The following RGR variants were observed in gnomAD, a reference collection of about 807,000 sequenced individuals.
RGR encodes the protein RPE-retinal G protein-coupled receptor.
Under a neutral mutation model 28.6 loss-of-function variants are expected in RGR, and 30 were observed. The observed-to-expected ratio is 1.05, with a 90% CI of 0.78 to 1.42. The LOEUF is 1.42. Among genes scored for constraint, RGR ranks in the 40% most tolerant of loss-of-function variants. The probability of loss-of-function intolerance (pLI) is 0.00; values close to 1 mark genes in which losing one functional copy is unlikely to be tolerated. For synonymous variants in RGR, 180 were observed against 156.4 expected (o/e 1.15, Z -1.13); for missense variants, 404 against 375.6 (o/e 1.08, Z -0.62).
At chr10:84,258,091 C>A in intron 6 of RGR, 85 bp downstream of exon 6, 9 of 1,188,614 alleles carry the variant, frequency 7.6e-6, no homozygotes, top group Non-Finnish European at 1.1e-5. Flanking sequence ...GGATTTATGA[C>A]CTCTGTGTCA....
chr10:84,258,102 G>C, intron 6 of RGR, 96 bp downstream of exon 6: 1 of 1,101,918 alleles, frequency 9.1e-7, no homozygotes, highest in Non-Finnish European at 1.4e-6. Flanking sequence ...CTCTGTGTCA[G>C]TCTCTTCCTT....
chr10:84,248,894 G>A (rs1842780067), intron 2 of RGR, 28 bp from the exon 3 acceptor site: 1 of 1,614,224 alleles, frequency 6.2e-7, no homozygotes. Context: ...TCGGAGGAGA[G>A]GTCACTGGTG....
rs779017984 is a variant in RGR at position 84,247,598 on chromosome 10, C to A, written c.87C>A (p.Ser29=). The change falls in exon 2 of 7, where the codon TCC becomes TCA. Residue 29 remains serine (S), a synonymous_variant. Coordinates refer to ENST00000652092, the MANE Select transcript of RGR (RefSeq NM_001012720.2). ...VGMVLLVEAL[S]GLSLNTLTIF... is the part of the protein sequence containing the mutation. ...CCCCACCCTTCCTTTCAGCTCTCTC[C>A]GGTCTCAGCCTCAATACCCTGACCA... 11 of 1,614,164 alleles carry A rather than the reference C, an allele frequency of 6.8e-6. No individual in the cohort carries two copies. Among genetic ancestry groups the A allele is most frequent in the Non-Finnish European group, 9.3e-6 (11 of 1,180,028 alleles).
intron 1 of RGR, among the ~76,000 whole-genome samples, chr10:84,246,233 T>C (rs1842744605): frequency 6.6e-6 from 1 of 152,236 alleles, no homozygotes; most frequent in Non-Finnish European, 1.5e-5. Flanking sequence ...TTAAAATATG[T>C]TTTAAATTTC....
Position 84,258,661 on chromosome 10 carries a change from C to G in RGR, c.*22C>G, listed in dbSNP as rs759697741. On this transcript the variant is annotated 3_prime_UTR_variant, in exon 7 of 7. Transcript: ENST00000652092. The stretch of plus-strand genomic sequence containing the variant: ...GTGAGCCTGCCACCCTGGAGTGAGC[C>G]CCAGGCCAGGAGGCTGTTCCAGGAG... 42 of 1,613,702 alleles carry G rather than the reference C, an allele frequency of 2.6e-5. No individual in the cohort carries two copies. Among genetic ancestry groups the G allele is most frequent in the Non-Finnish European group, 3.2e-5 (38 of 1,179,908 alleles).
chr10:84,250,085 A>C (rs1487684576), intron 3 of RGR, among the ~76,000 whole-genome samples: 4 of 152,148 alleles, frequency 2.6e-5, no homozygotes, highest in African/African-American at 9.6e-5. Flanking sequence ...GGCTCAGCTA[A>C]CCCTCCTAGC....
rs1842837471 is a variant in RGR, at chr10:84,252,940, C to T, written c.442C>T (p.Leu148=). Residue 148 remains leucine, a synonymous_variant, in exon 4 of 7, where the codon CTG becomes TTG. Coordinates refer to ENST00000652092, the MANE Select transcript of RGR (RefSeq NM_001012720.2). ...TGCCTTCTGGGCAGCTCTGCCCCTT[C>T]TGGGTTGGGGTCACTACGACTATGA... ...SSAFWAALPL[L]GWGHYDYEPL... 1 of 1,614,018 alleles carries T rather than the reference C, an allele frequency of 6.2e-7. No individual in the cohort carries two copies. Among genetic ancestry groups the T allele is most frequent in the Non-Finnish European group, 8.5e-7 (1 of 1,180,044 alleles).
At chr10:84,252,755 T>C in intron 3 of RGR, 102 bp from the exon 4 acceptor site, 1 of 1,435,748 alleles carries the variant, frequency 7.0e-7, no homozygotes, top group Non-Finnish European at 9.8e-7. Flanking sequence ...GGCTGGTGGA[T>C]CACTTGAAGG....
intron 5 of RGR, among the ~76,000 whole-genome samples, chr10:84,257,023 A>C (rs979848736): frequency 6.6e-5 from 10 of 152,176 alleles, no homozygotes; most frequent in African/African-American, 2.4e-4. Context: ...AAGAGGAAAA[A>C]AAAAGTCTCT....
At position 84,258,811 on chromosome 10, in the gene RGR, G is replaced by A; in HGVS notation, c.*172G>A. On this transcript the variant is annotated 3_prime_UTR_variant, in exon 7 of 7. Transcript: ENST00000652092. ...ACACCAGGCTGCACAGAAAGAGCCA[G>A]ATGGACCTGAGTGTCGGTCACAGCC... The A allele has an allele frequency of 1.1e-6, 1 of 933,680 alleles. No individual in the cohort carries two copies. The highest frequency in any genetic ancestry group is 1.6e-6 in the Non-Finnish European group (1 of 608,152). The allele number at this position is 933,680 out of a possible 1,614,324, so 57.8% of individuals were successfully genotyped here. A position where few individuals can be genotyped will look rare whatever the true frequency, so the allele number is the denominator to read the frequency against.
intron 1 of RGR, among the ~76,000 whole-genome samples, chr10:84,245,731 C>G (rs955738833): frequency 2.0e-5 from 3 of 152,218 alleles, no homozygotes; most frequent in African/African-American, 7.2e-5. Flanking sequence ...CTCCCATCCT[C>G]TCCAGCCCCA....
At chr10:84,255,613 G>A in intron 5 of RGR, among the ~76,000 whole-genome samples, 1 of 151,998 alleles carries the variant, frequency 6.6e-6, no homozygotes, top group Middle Eastern at 3.2e-3. Context: ...TGGTCACCTG[G>A]ATGACCTCTA....
intron 3 of RGR, among the ~76,000 whole-genome samples, chr10:84,251,428 G>T (rs1842816986): frequency 6.6e-6 from 1 of 152,180 alleles, no homozygotes; most frequent in South Asian, 2.1e-4. Flanking sequence ...AGGCTGGGAA[G>T]TCCAAATGCG....
intron 3 of RGR, among the ~76,000 whole-genome samples, chr10:84,252,360 G>C (rs1842829056): frequency 6.6e-6 from 1 of 152,134 alleles, no homozygotes; most frequent in Non-Finnish European, 1.5e-5. Flanking sequence ...CTGAACCCCT[G>C]CCTATGCTTC....
intron 2 of RGR, 95 bp from the exon 3 acceptor site, chr10:84,248,827 A>C: frequency 1.2e-6 from 2 of 1,609,168 alleles, no homozygotes; most frequent in Non-Finnish European, 1.7e-6. Flanking sequence ...GAAGAAGGGC[A>C]GCATTCAGGA....
Position 84,258,018 on chromosome 10 carries a change from TCTAGTACCTAAAA to T in RGR, c.744+17_744+29del. The T allele has an allele frequency of 6.3e-7, 1 of 1,598,534 alleles. No homozygotes were observed. The highest frequency in any genetic ancestry group is 1.1e-5 in the South Asian group (1 of 90,760). On this transcript the variant is annotated intron_variant, in intron 6 of 6. Coordinates refer to ENST00000652092, the MANE Select transcript of RGR (RefSeq NM_001012720.2). ...CCAAACTGCAGATGGTACAGATACT[TCTAGTACCTAAAA>T]CTAGACCCCTCTCCATCTTTGTTCT... is the stretch of plus-strand genomic sequence containing the variant.
chr10:84,255,967 G>T (rs572312817), intron 5 of RGR, among the ~76,000 whole-genome samples: 2 of 145,092 alleles, frequency 1.4e-5, no homozygotes, highest in South Asian at 4.4e-4. Flanking sequence ...CAGGTGATCC[G>T]CCCGCCTCCG....
intron 5 of RGR, chr10:84,255,376 C>T (rs1210785097): frequency 1.3e-5 from 2 of 152,254 alleles, no homozygotes; most frequent in Non-Finnish European, 2.9e-5. Context: ...TTCCACTTAA[C>T]TCTTGCCAAG....
chr10:84,248,941 G>T lies in RGR; in HGVS notation c.256G>T (p.Asp86Tyr). ...SLLRRWPYGS[D>Y]GCQAHGFQGF... ...CCACAGGCGCTGGCCCTACGGCTCG[G>T]ACGGCTGCCAGGCTCACGGCTTCCA... Residue 86 changes from aspartate to tyrosine, a missense_variant, in exon 3 of 7, where the codon GAC (aspartate) becomes TAC (tyrosine). Asp to Tyr is a radical substitution (Grantham distance 160, BLOSUM62 -3). Transcript: ENST00000652092. 1 of 1,614,144 alleles carries T rather than the reference G, an allele frequency of 6.2e-7. No homozygotes were observed. The highest frequency in any genetic ancestry group is 8.5e-7 in the Non-Finnish European group (1 of 1,180,038).
Sources: allele counts gnomAD v4.1 joint callset (sites outside exome capture counted in the v4.1 genomes callset), GRCh38; gene constraint gnomAD v4.1.1; transcripts MANE v1.5; gene names NCBI Gene and HGNC (gene_info 2026-07-23, HGNC 2026-07-21).